ARMC9: variants seen among roughly 807,000 people sequenced by gnomAD.
ARMC9 encodes armadillo repeat containing 9.
A neutral mutation model predicts 107.0 loss-of-function variants in ARMC9; 94 were observed. The ratio of observed to expected loss-of-function variants is 0.88; its 90% CI spans 0.74 to 1.04. ARMC9 has a LOEUF of 1.04. Among genes scored for constraint, ARMC9 ranks in the 50% least tolerant of loss-of-function variants. The pLI is 0.00. For synonymous variants in ARMC9, 380 were observed against 396.9 expected (o/e 0.96, Z 0.51); for missense variants, 942 against 1,030.1 (o/e 0.91, Z 1.17).
intron 7 of ARMC9, among the ~76,000 whole-genome samples, chr2:231,231,557 T>G (rs1421225436): frequency 6.6e-6 from 1 of 151,996 alleles, no homozygotes; most frequent in Non-Finnish European, 1.5e-5. Context: ...CTAATTTTTG[T>G]ACTTTTAGTA....
intron 17 of ARMC9, among the ~76,000 whole-genome samples, chr2:231,284,877 A>G (rs1559405003): frequency 2.0e-5 from 3 of 152,010 alleles, no homozygotes; most frequent in African/African-American, 7.2e-5. Context: ...TATTACAAAT[A>G]TTTTCTCAAT....
At chr2:231,222,257 G>A (rs944759528) in intron 5 of ARMC9, among the ~76,000 whole-genome samples, 2 of 152,164 alleles carry the variant, frequency 1.3e-5, no homozygotes, top group Non-Finnish European at 2.9e-5. Context: ...ACATGGTGGG[G>A]TATTTGTGGC....
At chr2:231,262,118 G>A (rs568307467) in intron 11 of ARMC9, among the ~76,000 whole-genome samples, 188 bp from the exon 12 acceptor site, 10 of 152,184 alleles carry the variant, frequency 6.6e-5, no homozygotes, top group South Asian at 6.2e-4. Flanking sequence ...CACCGTGCCC[G>A]GCCCGCATCA....
At chr2:231,270,225 C>G (rs551546348) in intron 12 of ARMC9, among the ~76,000 whole-genome samples, 2 of 152,114 alleles carry the variant, frequency 1.3e-5, no homozygotes, top group East Asian at 3.9e-4. Flanking sequence ...CACTAACCCC[C>G]CTCTCCATTT....
At chr2:231,250,379 C>G (rs1359756595) in intron 9 of ARMC9, among the ~76,000 whole-genome samples, 1 of 152,186 alleles carries the variant, frequency 6.6e-6, no homozygotes, top group African/African-American at 2.4e-5. Context: ...GCACTACTCC[C>G]GCTATTAACA....
At chr2:231,225,779 A>G (rs1407118522) in intron 6 of ARMC9, among the ~76,000 whole-genome samples, 2 of 152,172 alleles carry the variant, frequency 1.3e-5, no homozygotes, top group Non-Finnish European at 1.5e-5. Flanking sequence ...GATGATGAAA[A>G]TGTTCTAAAA....
At chr2:231,286,716 AATTT>A (rs2040615194) in intron 17 of ARMC9, among the ~76,000 whole-genome samples, 2 of 152,204 alleles carry the variant, frequency 1.3e-5, no homozygotes, top group Admixed American at 6.5e-5. Flanking sequence ...AGTATGGAAA[AATTT>A]ATTTTACTGT....
In ARMC9 at chr2:231,358,804, C is replaced by T. The variant is rs1013540686; in HGVS notation, c.2132-1950C>T. Among the ~76,000 whole-genome samples the T allele has an allele frequency of 3.9e-5, 6 of 152,202 alleles. No individual in the cohort carries two copies. The highest frequency in any genetic ancestry group is 1.4e-4 in the African/African-American group (6 of 41,448). On this transcript the variant is annotated intron_variant, in intron 22 of 24. Coordinates refer to ENST00000611582, the MANE Select transcript of ARMC9 (RefSeq NM_001352754.2). The surrounding 1 kb of genome is among the most constrained non-coding windows in gnomAD (Gnocchi z 4.5). ...GGCAAAAGACAGCCCCAAATGCCAA[C>T]AGGAAATAGTTCCCAAGGGAAAAGG...
chr2:231,356,278 T>G (rs1371898147), intron 22 of ARMC9, among the ~76,000 whole-genome samples: 1 of 152,120 alleles, frequency 6.6e-6, no homozygotes, highest in Non-Finnish European at 1.5e-5. Flanking sequence ...CAGATTCTGG[T>G]GCAGAGAAGG....
intron 16 of ARMC9, among the ~76,000 whole-genome samples, chr2:231,280,461 AAAAT>A (rs756542318): frequency 4.7e-4 from 72 of 152,280 alleles, no homozygotes; most frequent in Non-Finnish European, 6.5e-4. Flanking sequence ...CTGTCTCAAA[AAAAT>A]AAATAAATAA....
intron 19 of ARMC9, among the ~76,000 whole-genome samples, chr2:231,301,280 T>C (rs2041710306): frequency 6.6e-6 from 1 of 152,250 alleles, no homozygotes; most frequent in Non-Finnish European, 1.5e-5. Flanking sequence ...GATTTTTTGC[T>C]ATTTCAAACA....
intron 9 of ARMC9, chr2:231,256,179 C>T (rs2037781982): frequency 3.9e-6 from 6 of 1,532,726 alleles, no homozygotes; most frequent in Non-Finnish European, 5.3e-6. Context: ...GGACAGTGCA[C>T]GCAGGTGCGC....
chr2:231,261,724 C>T (rs988132457), intron 11 of ARMC9, among the ~76,000 whole-genome samples: 3 of 152,200 alleles, frequency 2.0e-5, no homozygotes, highest in African/African-American at 7.2e-5. Context: ...GAGCTCTTCC[C>T]TATCTGCACA....
At chr2:231,268,939 C>A (rs1177962158) in intron 12 of ARMC9, among the ~76,000 whole-genome samples, 1 of 152,060 alleles carries the variant, frequency 6.6e-6, no homozygotes, top group East Asian at 1.9e-4. Flanking sequence ...TGTTGGCGTG[C>A]ACCTGTAGTC....
In ARMC9 at chr2:231,256,617, C is replaced by A. The variant is rs2037842777; in HGVS notation, c.911C>A (p.Pro304His). Residue 304 changes from proline to histidine, a missense_variant, in exon 10 of 25, where the codon CCC becomes CAC. By Grantham distance (77) the Pro-to-His change is moderately conservative. Transcript: ENST00000611582. ...ASTMLRASLA[P>H]VKLKDVPLLP... ...ACCATGTTACGAGCCTCCTTGGCAC[C>A]CGTGTAAGTAACTGCTCTTAGGAAT... 1.2e-6 allele frequency: 2 copies of A among 1,613,916 alleles called. No individual in the cohort carries two copies. The highest frequency in any genetic ancestry group is 1.7e-6 in the Non-Finnish European group (2 of 1,179,866).
chr2:231,219,085 G>C (rs2033840735), intron 5 of ARMC9, among the ~76,000 whole-genome samples: 1 of 151,462 alleles, frequency 6.6e-6, no homozygotes, highest in Non-Finnish European at 1.5e-5. Context: ...TTTTCTTCCA[G>C]AACATTCAAG....
chr2:231,291,259 C>G, intron 17 of ARMC9, 94 bp from the exon 18 acceptor site: 1 of 987,102 alleles, frequency 1.0e-6, no homozygotes, highest in Non-Finnish European at 1.6e-6. Flanking sequence ...CTCCCCAAAA[C>G]ATTATTTTTT....
chr2:231,376,773 G>A lies in ARMC9; in HGVS notation c.*5238G>A, dbSNP rs2046209605. ...GAAAATCCCTAATAAAAACTTGCTG[G>A]TTTTTGTGGCTTGTGGGGCATCACG... On this transcript the variant is annotated 3_prime_UTR_variant, in exon 25 of 25. Transcript: ENST00000611582. 6.6e-6 allele frequency among the ~76,000 whole-genome samples: 1 copy of A among 152,086 alleles called. No homozygotes were observed. Among genetic ancestry groups the A allele is most frequent in the Admixed American group, 6.6e-5 (1 of 15,252 alleles).
chr2:231,345,631 C>A (rs1167676802), intron 21 of ARMC9, among the ~76,000 whole-genome samples: 1 of 152,158 alleles, frequency 6.6e-6, no homozygotes, highest in Admixed American at 6.5e-5. Context: ...GGGGCCTAGA[C>A]CCCTTGTGGG....
Sources: gnomAD v4.1 joint callset for allele counts (sites outside exome capture counted in the v4.1 genomes callset) on GRCh38, gnomAD v4.1.1 for gene constraint, Gnocchi (gnomAD v3.1) non-coding constraint, MANE v1.5 for transcripts, NCBI Gene and HGNC (gene_info 2026-07-23, HGNC 2026-07-21) for gene names.